Variants in ITCH observed in about 807,000 individuals in gnomAD.
The protein encoded by ITCH is E3 ubiquitin-protein ligase Itchy homolog.
Under a neutral mutation model 126.8 loss-of-function variants are expected in ITCH, and 28 were observed. The observed-to-expected ratio is 0.22, with a 90% confidence interval of 0.16 to 0.30. The LOEUF (loss-of-function observed/expected upper bound fraction) is 0.30. Ranked by LOEUF, ITCH falls within the 10% of genes least tolerant of loss-of-function variation. The probability of loss-of-function intolerance (pLI) is 1.00; values close to 1 mark genes in which losing one functional copy is unlikely to be tolerated. For synonymous variants in ITCH, 342 were observed against 340.0 expected (o/e 1.01, Z -0.06); for missense variants, 631 against 1,032.4 (o/e 0.61, Z 5.33).
At chr20:34,458,358 G>C (rs1337231488) in intron 13 of ITCH, among the ~76,000 whole-genome samples, 1 of 152,132 alleles carries the variant, frequency 6.6e-6, no homozygotes, top group Non-Finnish European at 1.5e-5. Context: ...TTATCACAAA[G>C]GTCTCCCTTT....
intron 6 of ITCH, among the ~76,000 whole-genome samples, chr20:34,417,912 C>T (rs541423449): frequency 6.6e-6 from 1 of 151,342 alleles, no homozygotes; most frequent in Non-Finnish European, 1.5e-5. Flanking sequence ...AGTATTATTG[C>T]CAAAGACTAA....
At chr20:34,438,419 C>G (rs918666791) in intron 7 of ITCH, 55 bp from the exon 8 acceptor site, 38 of 1,568,430 alleles carry the variant, frequency 2.4e-5, no homozygotes, top group Non-Finnish European at 3.3e-5. Context: ...TTCTTAAATT[C>G]AAGGAGTATT....
chr20:34,408,021 G>T (rs1447324898), intron 3 of ITCH, among the ~76,000 whole-genome samples: 2 of 152,128 alleles, frequency 1.3e-5, no homozygotes, highest in Non-Finnish European at 2.9e-5. Context: ...AAACACCTAG[G>T]CTCAAGCAGT....
chr20:34,417,813 CT>C (rs1239771602), intron 6 of ITCH, among the ~76,000 whole-genome samples: 1 of 144,192 alleles, frequency 6.9e-6, no homozygotes, highest in African/African-American at 2.6e-5. Context: ...TCTCATTCAT[CT>C]TTTTTTTTCT....
chr20:34,392,056 A>G (rs1379848156), intron 2 of ITCH, among the ~76,000 whole-genome samples: 1 of 152,104 alleles, frequency 6.6e-6, no homozygotes, highest in Non-Finnish European at 1.5e-5. Flanking sequence ...CCCTTAATTT[A>G]CTTTTTTAAA....
At chr20:34,382,199 G>C (rs2038090671) in intron 2 of ITCH, among the ~76,000 whole-genome samples, 1 of 152,158 alleles carries the variant, frequency 6.6e-6, no homozygotes, top group Admixed American at 6.6e-5. Context: ...TTCCTAATAG[G>C]TAAGTGGTAA....
intron 16 of ITCH, chr20:34,475,933 C>T: frequency 7.4e-7 from 1 of 1,346,280 alleles, no homozygotes; most frequent in Admixed American, 1.7e-5. Context: ...TTCAGGAGGT[C>T]TTGCCCACAT....
intron 12 of ITCH, among the ~76,000 whole-genome samples, chr20:34,455,449 T>C (rs1985789302): frequency 6.6e-6 from 1 of 151,964 alleles, no homozygotes; most frequent in African/African-American, 2.4e-5. Flanking sequence ...TTAATTTGTT[T>C]ACTAAAAGAG....
chr20:34,440,132 T>C (rs1983546159), intron 8 of ITCH, 23 bp from the exon 9 acceptor site: 6 of 1,554,330 alleles, frequency 3.9e-6, no homozygotes, highest in Non-Finnish European at 5.3e-6. Context: ...ATTCTTTTCC[T>C]ATTTTCCCCA....
In ITCH at chr20:34,471,720, G is replaced by T. The variant is rs144325495; in HGVS notation, c.1569+205G>T. 8.3e-5 allele frequency among the ~76,000 whole-genome samples: 12 copies of T among 144,468 alleles called. No individual in the cohort carries two copies. The East Asian group carries it at 2.6e-3, about 31-fold the overall frequency. 94.8% of individuals were successfully genotyped at this position (144,468 alleles called of 152,430 possible). ...TGTGTGTGTGTGTGTGTGTGTTTCA[G>T]GTTTCCATTTCTAAACTGGTATGAT... On this transcript the variant is annotated intron_variant, in intron 16 of 24. Coordinates refer to ENST00000374864, the MANE Select transcript of ITCH (RefSeq NM_031483.7).
At chr20:34,421,330 C>T (rs1298319003) in intron 6 of ITCH, among the ~76,000 whole-genome samples, 2 of 152,086 alleles carry the variant, frequency 1.3e-5, no homozygotes, top group Admixed American at 6.6e-5. Context: ...GAAATAGGAA[C>T]GATGTGTTAA....
chr20:34,365,731 T>C (rs1187341998), intron 1 of ITCH, among the ~76,000 whole-genome samples: 1 of 152,208 alleles, frequency 6.6e-6, no homozygotes, highest in East Asian at 1.9e-4. Context: ...AATACATCTT[T>C]TCACTTATTG....
intron 3 of ITCH, among the ~76,000 whole-genome samples, chr20:34,404,679 C>T (rs2038996195): frequency 6.6e-6 from 1 of 152,100 alleles, no homozygotes. Context: ...TTCCAAAGTG[C>T]TGGGATTACA....
intron 1 of ITCH, 60 bp downstream of exon 1, chr20:34,363,409 A>T (rs560370959): frequency 4.6e-4 from 70 of 152,458 alleles, no homozygotes; most frequent in African/African-American, 1.6e-3. Flanking sequence ...TCCGGATGAG[A>T]ATGTTCGGGG....
chr20:34,480,212 T>G (rs1988610322), intron 18 of ITCH, among the ~76,000 whole-genome samples: 1 of 152,042 alleles, frequency 6.6e-6, no homozygotes, highest in South Asian at 2.1e-4. Context: ...GAAGTGTTTT[T>G]TTGAGACAAA....
intron 4 of ITCH, among the ~76,000 whole-genome samples, chr20:34,411,170 G>A (rs1401398241): frequency 6.6e-6 from 1 of 152,026 alleles, no homozygotes; most frequent in Admixed American, 6.6e-5. Context: ...GACTAATAGA[G>A]AATTTCTTTT....
chr20:34,393,765 T>C (rs759549168), intron 2 of ITCH, 26 bp from the exon 3 acceptor site: 12 of 1,335,242 alleles, frequency 9.0e-6, no homozygotes, highest in South Asian at 3.5e-5. Flanking sequence ...TTTTGATGTT[T>C]ACAGTGTCTC....
At chr20:34,381,942 T>C (rs2038082904) in intron 2 of ITCH, among the ~76,000 whole-genome samples, 1 of 152,200 alleles carries the variant, frequency 6.6e-6, no homozygotes, top group Admixed American at 6.6e-5. Flanking sequence ...ATAACGTGTT[T>C]GGTGTCATAT....
intron 24 of ITCH, among the ~76,000 whole-genome samples, chr20:34,506,406 G>C (rs1366248992): frequency 6.6e-6 from 1 of 152,148 alleles, no homozygotes; most frequent in Admixed American, 6.5e-5. Context: ...ATTAAAGCAG[G>C]GGTCCCCAAC....
Sources: gnomAD v4.1 joint callset for allele counts (sites outside exome capture counted in the v4.1 genomes callset) on GRCh38, gnomAD v4.1.1 for gene constraint, MANE v1.5 for transcripts, NCBI Gene and HGNC (gene_info 2026-07-23, HGNC 2026-07-21) for gene names.